POLE: variants seen among roughly 807,000 people sequenced by gnomAD.
POLE encodes DNA polymerase epsilon catalytic subunit A.
Under a neutral mutation model 279.2 loss-of-function variants are expected in POLE, and 188 were observed. The observed-to-expected ratio is 0.67, with a 90% CI of 0.60 to 0.76. The LOEUF (loss-of-function observed/expected upper bound fraction) is 0.76, where lower values mean the gene tolerates loss of function less well. POLE is among the 30% of genes least tolerant of loss of function. POLE has a pLI of 0.00. For missense variants in POLE, 2,703 were observed against 3,016.7 expected (o/e 0.90, Z 2.44); for synonymous variants, 1,214 against 1,172.5 (o/e 1.04, Z -0.72).
intron 42 of POLE, 70 bp downstream of exon 42, chr12:132,635,822 C>T: frequency 6.5e-7 from 1 of 1,540,878 alleles, no homozygotes; most frequent in Non-Finnish European, 8.8e-7. Flanking sequence ...GCCCTGAGCA[C>T]TCAGCACTTG....
chr12:132,643,323 G>C lies in POLE; in HGVS notation c.4452C>G (p.Ile1484Met), dbSNP rs2138547709. The C allele has an allele frequency of 6.2e-7, 1 of 1,614,056 alleles. No individual in the cohort carries two copies. Among genetic ancestry groups the C allele is most frequent in the Non-Finnish European group, 8.5e-7 (1 of 1,180,010 alleles). The change falls in exon 35 of 49, where the codon ATC becomes ATG. Residue 1484 changes from isoleucine (I) to methionine (M), a missense_variant. Transcript: ENST00000320574. ...AQFSYLEPGSIRHIYLYHHAQ... is the reference protein window; with the variant it reads ...AQFSYLEPGSMRHIYLYHHAQ... ...CGTGGTGGTACAGGTAGATATGGCG[G>C]ATACTCCCTGGAGAAGGAAACAAGA...
At chr12:132,646,525 T>TAA (rs57636810) in intron 32 of POLE, among the ~76,000 whole-genome samples, 1 of 144,714 alleles carries the variant, frequency 6.9e-6, no homozygotes. Flanking sequence ...TTTCTTCCTT[T>TAA]AAAAAAAAAA....
In POLE at chr12:132,659,393, G is replaced by A. The variant is rs777674013; in HGVS notation, c.3177C>T (p.Arg1059=). The change falls in exon 26 of 49, where the codon CGC becomes CGT. Residue 1059 remains arginine (R), a synonymous_variant. Coordinates refer to ENST00000320574, the MANE Select transcript of POLE (RefSeq NM_006231.4). ...TCTGGTCTCCCAGGAACTCGGCCAG[G>A]CGCTTTGCTGTGCTGATGGACGTAG... The part of the protein sequence containing the change: ...QKSTSISTAK[R]LAEFLGDQMV... 6.2e-7 allele frequency: 1 copy of A among 1,614,224 alleles called. No individual in the cohort carries two copies. The highest frequency in any genetic ancestry group is 8.5e-7 in the Non-Finnish European group (1 of 1,180,030).
rs202069042 is a variant in POLE, at chr12:132,668,987, C to T, written c.1795-48G>A. On this transcript the variant is annotated intron_variant, in intron 16 of 48. Coordinates refer to ENST00000320574, the MANE Select transcript of POLE (RefSeq NM_006231.4). The surrounding 1 kb of genome is among the most constrained non-coding windows in gnomAD (Gnocchi z 4.0). ...TAGAGGCTGGTGACCAAGCTTGCCT[C>T]GTGTGCAGTTCACCAACCCCTTTTA... The T allele has an allele frequency of 1.2e-4, 195 of 1,586,186 alleles. 1 individual carries two copies. The highest frequency in any genetic ancestry group is 1.5e-4 in the Non-Finnish European group (175 of 1,161,148).
intron 32 of POLE, among the ~76,000 whole-genome samples, chr12:132,647,598 C>T (rs1297683345): frequency 6.6e-6 from 1 of 152,164 alleles, no homozygotes; most frequent in Non-Finnish European, 1.5e-5. Flanking sequence ...CCTGGAGCCC[C>T]ATGGACCCCA....
At chr12:132,654,993 C>T (rs1287371675) in intron 29 of POLE, among the ~76,000 whole-genome samples, 3 of 152,144 alleles carry the variant, frequency 2.0e-5, no homozygotes, top group Non-Finnish European at 4.4e-5. Flanking sequence ...ACCTCAAATT[C>T]CTGGGCTCAA....
intron 6 of POLE, among the ~76,000 whole-genome samples, chr12:132,678,640 C>T (rs1050031715): frequency 6.6e-6 from 1 of 152,128 alleles, no homozygotes; most frequent in Non-Finnish European, 1.5e-5. Context: ...TCAGGAGAGC[C>T]AGGCATGACC....
At chr12:132,632,577 G>A in intron 44 of POLE, 69 bp from the exon 45 acceptor site, 1 of 1,605,984 alleles carries the variant, frequency 6.2e-7, no homozygotes, top group Non-Finnish European at 8.5e-7. Flanking sequence ...CCACCTGGGG[G>A]ACTGGCACCG....
chr12:132,681,361 T>G (rs1593088619), intron 1 of POLE, 82 bp from the exon 2 acceptor site: 1 of 1,445,672 alleles, frequency 6.9e-7, no homozygotes, highest in Non-Finnish European at 9.4e-7. Context: ...TCTTTTTTTT[T>G]GAGACGGAGT....
chr12:132,638,310 TC>T, intron 40 of POLE, 171 bp from the exon 41 acceptor site: 1 of 447,330 alleles, frequency 2.2e-6, no homozygotes, highest in Non-Finnish European at 3.7e-6. Context: ...ATGGCAAAAA[TC>T]CACCACAAAC....
rs2135977143 is a variant in POLE at position 132,668,575 on chromosome 12, G to A, written c.2026+60C>T. 1 of 1,581,556 alleles carries A rather than the reference G, an allele frequency of 6.3e-7. No homozygotes were observed. Among genetic ancestry groups the A allele is most frequent in the South Asian group, 1.1e-5 (1 of 88,888 alleles). ...CCGGCTTCCCACCAAGTGGAGAAAG[G>A]CGGCCGACACTCACCCACCCGTTTC... is the stretch of plus-strand genomic sequence containing the variant. On this transcript the variant is annotated intron_variant, in intron 18 of 48. Coordinates refer to ENST00000320574, the MANE Select transcript of POLE (RefSeq NM_006231.4). This position sits in a 1 kb window ranked among gnomAD's most constrained non-coding sequence, Gnocchi z 4.0.
Position 132,667,390 on chromosome 12 carries a change from G to T in POLE, c.2319+113C>A, listed in dbSNP as rs112907081. On this transcript the variant is annotated intron_variant, in intron 20 of 48. Coordinates refer to ENST00000320574, the MANE Select transcript of POLE (RefSeq NM_006231.4). ...CAAAAACAATTGCACGTTACCATCC[G>T]AGTGCAAGTGCCTGCTCAGAGGATC... 2.7e-4 allele frequency: 290 copies of T among 1,072,020 alleles called. No homozygotes were observed. In the Middle Eastern group the frequency reaches 5.2e-3, roughly 19 times the overall value. 66.4% of individuals were successfully genotyped at this position (1,072,020 alleles called of 1,614,324 possible). A position where few individuals can be genotyped will look rare whatever the true frequency, so the allele number is the denominator to read the frequency against.
chr12:132,663,090 CAGA>C (rs1484687460), intron 23 of POLE, among the ~76,000 whole-genome samples: 5 of 152,202 alleles, frequency 3.3e-5, no homozygotes, highest in Admixed American at 3.3e-4. Context: ...ACACAGTGGG[CAGA>C]AGCTTATGGA....
At chr12:132,636,223 A>G (rs2042029399) in intron 41 of POLE, among the ~76,000 whole-genome samples, 199 bp from the exon 42 acceptor site, 1 of 152,112 alleles carries the variant, frequency 6.6e-6, no homozygotes, top group Non-Finnish European at 1.5e-5. Flanking sequence ...GGCCCCTGGG[A>G]GCTGGCGCCA....
intron 45 of POLE, among the ~76,000 whole-genome samples, chr12:132,632,104 T>C (rs1565926324): frequency 6.6e-6 from 1 of 151,784 alleles, no homozygotes; most frequent in Non-Finnish European, 1.5e-5. Flanking sequence ...ACCCTACACA[T>C]GTAGGTACCT....
At chr12:132,638,896 A>G in intron 40 of POLE, 1 of 556,110 alleles carries the variant, frequency 1.8e-6, no homozygotes, top group Non-Finnish European at 3.2e-6. Flanking sequence ...TTTGTGCAGG[A>G]AAGGGGCAGG....
intron 41 of POLE, among the ~76,000 whole-genome samples, chr12:132,637,422 A>ACTAT (rs1593718310): frequency 6.6e-6 from 1 of 152,190 alleles, no homozygotes; most frequent in Non-Finnish European, 1.5e-5. Flanking sequence ...GGAGCTTCCT[A>ACTAT]CTATCAGTTG....
Position 132,643,850 on chromosome 12 carries a change from A to C in POLE, c.4277T>G (p.Val1426Gly), listed in dbSNP as rs2042212771. 6.2e-7 allele frequency: 1 copy of C among 1,613,858 alleles called. No individual in the cohort carries two copies. The highest frequency in any genetic ancestry group is 8.5e-7 in the Non-Finnish European group (1 of 1,179,896). ...CTGGGGAGTCACCTGAGTCTCATAT[A>C]CGCCCTCGATGTCTGGCGCTGACAG... is the stretch of plus-strand genomic sequence containing the variant. The part of the protein sequence containing the change: ...AELSAPDIEG[V>G]YETQVPLLFR... The change falls in exon 33 of 49, where the codon GTA becomes GGA. Residue 1426 changes from valine to glycine, a missense_variant. Coordinates refer to ENST00000320574, the MANE Select transcript of POLE (RefSeq NM_006231.4).
intron 45 of POLE, among the ~76,000 whole-genome samples, chr12:132,627,137 T>G (rs1160799063): frequency 3.3e-5 from 5 of 152,166 alleles, no homozygotes; most frequent in Non-Finnish European, 7.4e-5. Flanking sequence ...AAAAATTGGC[T>G]GGGCATGGTG....
Sources: allele counts gnomAD v4.1 joint callset (sites outside exome capture counted in the v4.1 genomes callset), GRCh38; gene constraint gnomAD v4.1.1; non-coding constraint Gnocchi (gnomAD v3.1); transcripts MANE v1.5; gene names NCBI Gene and HGNC (gene_info 2026-07-23, HGNC 2026-07-21).